Variants in ENTREP2 observed in about 807,000 individuals in gnomAD.
ENTREP2 encodes protein ENTREP2.
chr15:29,247,647 A>G, the ENTREP2 span, among the ~76,000 whole-genome samples: 1 of 152,132 alleles, frequency 6.6e-6, no homozygotes, highest in African/African-American at 2.4e-5. Context: ...CAGAGTTGAT[A>G]TTGGTTGTTT....
chr15:29,603,684 G>A, the ENTREP2 span, among the ~76,000 whole-genome samples: 24 of 151,990 alleles, frequency 1.6e-4, no homozygotes, highest in Non-Finnish European at 4.4e-5. Context: ...TGTCATCCAG[G>A]CCAGAGTGCA....
the ENTREP2 span, among the ~76,000 whole-genome samples, chr15:29,384,626 G>A: frequency 6.6e-6 from 1 of 152,226 alleles, no homozygotes; most frequent in Non-Finnish European, 1.5e-5. Flanking sequence ...CAGGGAGGCT[G>A]GCAAGGGAGG....
the ENTREP2 span, among the ~76,000 whole-genome samples, chr15:29,440,686 C>T: frequency 6.6e-6 from 1 of 152,158 alleles, no homozygotes; most frequent in Non-Finnish European, 1.5e-5. Flanking sequence ...TCGGCTGGGC[C>T]CAGGATGACA....
the ENTREP2 span, among the ~76,000 whole-genome samples, chr15:29,600,403 A>G: frequency 6.6e-6 from 1 of 151,944 alleles, no homozygotes; most frequent in Non-Finnish European, 1.5e-5. Context: ...GTCTATCCAA[A>G]TTGGAAACTC....
At chr15:29,337,537 G>C in the ENTREP2 span, among the ~76,000 whole-genome samples, 91 of 152,288 alleles carry the variant, frequency 6.0e-4, no homozygotes, top group African/African-American at 2.1e-3. Flanking sequence ...TTTACAGAAA[G>C]GGAAACACAC....
At chr15:29,419,700 T>C in the ENTREP2 span, among the ~76,000 whole-genome samples, 1 of 152,120 alleles carries the variant, frequency 6.6e-6, no homozygotes, top group Non-Finnish European at 1.5e-5. Flanking sequence ...AAGGAGCAGA[T>C]CTGGACGCAC....
the ENTREP2 span, among the ~76,000 whole-genome samples, chr15:29,171,030 C>CAG: frequency 2.6e-5 from 4 of 152,144 alleles, no homozygotes; most frequent in Admixed American, 2.6e-4. Context: ...GTGTGTGAGA[C>CAG]AGAGAGAGAA....
At chr15:29,663,754 C>A in the ENTREP2 span, among the ~76,000 whole-genome samples, 1 of 152,042 alleles carries the variant, frequency 6.6e-6, no homozygotes, top group African/African-American at 2.4e-5. Context: ...AGGAGATATA[C>A]CCAATGTAAA....
chr15:29,503,722 A>G, the ENTREP2 span, among the ~76,000 whole-genome samples: 81 of 152,366 alleles, frequency 5.3e-4, no homozygotes, highest in African/African-American at 1.8e-3. Context: ...TTATCATACT[A>G]ATAGACAATT....
the ENTREP2 span, among the ~76,000 whole-genome samples, chr15:29,632,922 A>G: frequency 6.6e-5 from 10 of 152,176 alleles, no homozygotes; most frequent in Non-Finnish European, 1.5e-4. Context: ...TTTGGACGGT[A>G]ATGCAGAGAG....
chr15:29,284,224 A>G, the ENTREP2 span, among the ~76,000 whole-genome samples: 2 of 152,196 alleles, frequency 1.3e-5, no homozygotes, highest in Non-Finnish European at 2.9e-5. Flanking sequence ...GGAAAATCAT[A>G]TAAGCTTCCA....
the ENTREP2 span, among the ~76,000 whole-genome samples, chr15:29,545,513 T>C: frequency 1.3e-5 from 2 of 152,238 alleles, no homozygotes; most frequent in East Asian, 1.9e-4. Flanking sequence ...GGGATAAATG[T>C]AGCTGCCACT....
chr15:29,596,452 T>C, the ENTREP2 span, among the ~76,000 whole-genome samples: 29 of 152,178 alleles, frequency 1.9e-4, no homozygotes, highest in Non-Finnish European at 3.5e-4. Context: ...TTCAGAATTG[T>C]TAGCTCATAT....
chr15:29,339,016 T>C, the ENTREP2 span, among the ~76,000 whole-genome samples: 104,975 of 152,050 alleles, frequency 0.69, 37,763 homozygotes, highest in Middle Eastern at 0.82. Context: ...TTTATGTGTC[T>C]CTCCACTGCC....
At chr15:29,293,818 G>T in the ENTREP2 span, among the ~76,000 whole-genome samples, 1 of 152,326 alleles carries the variant, frequency 6.6e-6, no homozygotes, top group South Asian at 2.1e-4. Context: ...TCCACTGCCT[G>T]CACACCATGC....
the ENTREP2 span, among the ~76,000 whole-genome samples, chr15:29,579,686 A>ATTT: frequency 1.3e-3 from 73 of 55,818 alleles, 2 homozygotes; most frequent in African/African-American, 1.5e-3. Context: ...CACCCAGCTA[A>ATTT]TTTTTTTTTT....
chr15:29,254,629 T>C, the ENTREP2 span, among the ~76,000 whole-genome samples: 2 of 151,836 alleles, frequency 1.3e-5, no homozygotes, highest in Non-Finnish European at 2.9e-5. Context: ...GAGGCCAAGG[T>C]GGGTGGATCA....
At chr15:29,174,376 T>C in the ENTREP2 span, among the ~76,000 whole-genome samples, 5 of 152,196 alleles carry the variant, frequency 3.3e-5, no homozygotes, top group East Asian at 5.8e-4. Flanking sequence ...CAAACTGCCT[T>C]GTCCCAGGAG....
At chr15:29,164,473 T>C in the ENTREP2 span, among the ~76,000 whole-genome samples, 1 of 151,890 alleles carries the variant, frequency 6.6e-6, no homozygotes, top group Non-Finnish European at 1.5e-5. Flanking sequence ...TCACATAAAG[T>C]AAAGAGGTGG....
Sources: gnomAD v4.1 joint callset for allele counts (sites outside exome capture counted in the v4.1 genomes callset) on GRCh38, gnomAD v4.1.1 for gene constraint, MANE v1.5 for transcripts, NCBI Gene and HGNC (gene_info 2026-07-23, HGNC 2026-07-21) for gene names.